The following MARCHF10 variants were observed in gnomAD, a reference collection of about 807,000 sequenced individuals.
MARCHF10 encodes membrane associated ring-CH-type finger 10, also known as probable E3 ubiquitin-protein ligase MARCHF10.
A neutral mutation model predicts 76.2 loss-of-function variants in MARCHF10; 64 were observed. That is an observed-to-expected ratio of 0.84 (90% CI 0.69 to 1.03). The LOEUF (loss-of-function observed/expected upper bound fraction) is 1.03. Among genes scored for constraint, MARCHF10 ranks in the 50% least tolerant of loss-of-function variants. MARCHF10 has a pLI of 0.00. For synonymous variants in MARCHF10, 340 were observed against 357.5 expected, an observed-to-expected ratio of 0.95 and a Z score of 0.55; for missense variants, 875 against 958.0, an observed-to-expected ratio of 0.91 and a Z score of 1.14.
In MARCHF10 at chr17:62,737,216, C is replaced by G. The variant is rs1255434701; in HGVS notation, c.652G>C (p.Ala218Pro). 1 of 1,613,976 alleles carries G rather than the reference C, an allele frequency of 6.2e-7. No individual in the cohort carries two copies. The highest frequency in any genetic ancestry group is 8.5e-7 in the Non-Finnish European group (1 of 1,179,988). The part of the protein sequence containing the change: ...QPMTENAPDR[A>P]KKGDPSAPSQ... ...GGAGCACTCGGGTCTCCTTTTTTGG[C>G]TCTATCAGGGGCGTTCTCAGTCATT... Residue 218 changes from alanine (A) to proline (P), a missense_variant, in exon 6 of 11, where the codon GCC (alanine) becomes CCC (proline). By Grantham distance (27) the Ala-to-Pro change is conservative. Coordinates refer to ENST00000311269, the MANE Select transcript of MARCHF10 (RefSeq NM_152598.4).
intron 3 of MARCHF10, among the ~76,000 whole-genome samples, chr17:62,784,386 A>C (rs904935784): frequency 2.0e-5 from 3 of 152,182 alleles, no homozygotes; most frequent in Non-Finnish European, 2.9e-5. Flanking sequence ...AAATAATAAG[A>C]GCTATTTATG....
At chr17:62,801,574 G>T in intron 2 of MARCHF10, 72 bp downstream of exon 2, 1 of 1,279,194 alleles carries the variant, frequency 7.8e-7, no homozygotes, top group Non-Finnish European at 1.1e-6. Flanking sequence ...ATCATACGTT[G>T]ATGCTGTATT....
chr17:62,774,034 C>A (rs768169929), intron 3 of MARCHF10, among the ~76,000 whole-genome samples: 2 of 152,108 alleles, frequency 1.3e-5, no homozygotes, highest in East Asian at 1.9e-4. Context: ...AGGGAGGACA[C>A]GTCAGTGTGG....
intron 2 of MARCHF10, among the ~76,000 whole-genome samples, chr17:62,793,155 C>CATCA (rs572225519): frequency 6.1e-4 from 89 of 145,620 alleles, no homozygotes; most frequent in African/African-American, 2.1e-3. Flanking sequence ...TCACCACCAC[C>CATCA]ATCACCACCA....
chr17:62,793,306 TCAC>T (rs1242528443), intron 2 of MARCHF10, among the ~76,000 whole-genome samples: 3 of 68,312 alleles, frequency 4.4e-5, no homozygotes, highest in African/African-American at 5.9e-5. Context: ...ACCACCTCCA[TCAC>T]CACCACCACC....
intron 1 of MARCHF10, among the ~76,000 whole-genome samples, chr17:62,803,496 G>A (rs1328571268): frequency 6.6e-6 from 1 of 151,998 alleles, no homozygotes; most frequent in Non-Finnish European, 1.5e-5. Flanking sequence ...AGGACAGTGG[G>A]GAGGGAGAGG....
At chr17:62,728,038 CA>C (rs1327053472) in intron 6 of MARCHF10, among the ~76,000 whole-genome samples, 1 of 152,154 alleles carries the variant, frequency 6.6e-6, no homozygotes, top group Non-Finnish European at 1.5e-5. Context: ...CCATAAAGGT[CA>C]AAGTTTTTTG....
intron 7 of MARCHF10, among the ~76,000 whole-genome samples, chr17:62,724,045 T>G (rs2090628678): frequency 6.6e-6 from 1 of 152,048 alleles, no homozygotes; most frequent in African/African-American, 2.4e-5. Flanking sequence ...GCAGCCTGGA[T>G]AGTGACGGCT....
At chr17:62,718,191 A>G (rs1275358114) in intron 8 of MARCHF10, among the ~76,000 whole-genome samples, 1 of 152,204 alleles carries the variant, frequency 6.6e-6, no homozygotes, top group Admixed American at 6.5e-5. Context: ...AGATAAGAGA[A>G]CTGAGGTGCA....
chr17:62,764,677 T>C (rs952273233), intron 3 of MARCHF10, among the ~76,000 whole-genome samples: 1 of 152,168 alleles, frequency 6.6e-6, no homozygotes, highest in African/African-American at 2.4e-5. Context: ...CCTTAGGGAA[T>C]TGAGGGCAGC....
intron 3 of MARCHF10, among the ~76,000 whole-genome samples, chr17:62,780,005 G>A (rs2092627164): frequency 1.3e-5 from 2 of 152,166 alleles, no homozygotes. Flanking sequence ...GCTGAGGCAG[G>A]AGAATTGCTT....
intron 6 of MARCHF10, among the ~76,000 whole-genome samples, chr17:62,730,723 G>C (rs2147768739): frequency 6.6e-6 from 1 of 152,158 alleles, no homozygotes; most frequent in Non-Finnish European, 1.5e-5. Context: ...GTGAAACCCT[G>C]TCTCTACTAA....
At chr17:62,744,116 A>G (rs867697298) in intron 5 of MARCHF10, among the ~76,000 whole-genome samples, 1 of 151,596 alleles carries the variant, frequency 6.6e-6, no homozygotes, top group South Asian at 2.1e-4. Flanking sequence ...AACCAGTTAC[A>G]CTCATGGAGT....
At chr17:62,750,966 T>C (rs1483248993) in intron 4 of MARCHF10, among the ~76,000 whole-genome samples, 3 of 152,142 alleles carry the variant, frequency 2.0e-5, no homozygotes, top group Non-Finnish European at 2.9e-5. Context: ...GCTAGCAGGC[T>C]GTAGTCATGC....
Position 62,701,666 on chromosome 17 carries a change from G to A in MARCHF10, c.*37C>T, listed in dbSNP as rs1170294158. 2 of 1,613,748 alleles carry A rather than the reference G, an allele frequency of 1.2e-6. No individual in the cohort carries two copies. The highest frequency in any genetic ancestry group is 2.2e-5 in the East Asian group (1 of 44,884). Reference sequence around the variant, plus strand: ...GGGACGTAGAAAGAAGGGCTGGCGGGAGAGGTCTCCGCCGAGCTCCACAGT... The same window carrying A: ...GGGACGTAGAAAGAAGGGCTGGCGGAAGAGGTCTCCGCCGAGCTCCACAGT... On this transcript the variant is annotated 3_prime_UTR_variant, in exon 11 of 11. Coordinates refer to ENST00000311269, the MANE Select transcript of MARCHF10 (RefSeq NM_152598.4).
intron 2 of MARCHF10, among the ~76,000 whole-genome samples, chr17:62,790,999 C>A (rs759043805): frequency 2.0e-5 from 3 of 152,164 alleles, no homozygotes; most frequent in Non-Finnish European, 4.4e-5. Flanking sequence ...ATCTTCTTTT[C>A]AAAAACTATG....
intron 3 of MARCHF10, among the ~76,000 whole-genome samples, chr17:62,767,947 A>G (rs1427778030): frequency 6.6e-6 from 1 of 152,146 alleles, no homozygotes; most frequent in East Asian, 1.9e-4. Context: ...GAGCAGAAGC[A>G]ATGTGTGCAG....
At chr17:62,741,719 CAG>C (rs2091511046) in intron 5 of MARCHF10, among the ~76,000 whole-genome samples, 1 of 151,992 alleles carries the variant, frequency 6.6e-6, no homozygotes, top group Non-Finnish European at 1.5e-5. Flanking sequence ...TTTTGTGAGA[CAG>C]AGTCTCACTC....
At chr17:62,753,704 C>T (rs969464743) in intron 4 of MARCHF10, among the ~76,000 whole-genome samples, 3 of 152,200 alleles carry the variant, frequency 2.0e-5, no homozygotes, top group African/African-American at 7.2e-5. Context: ...TGGTTAAACC[C>T]CTGTCCTTCA....
Sources: gnomAD v4.1 joint callset for allele counts (sites outside exome capture counted in the v4.1 genomes callset) on GRCh38, gnomAD v4.1.1 for gene constraint, MANE v1.5 for transcripts, NCBI Gene and HGNC (gene_info 2026-07-23, HGNC 2026-07-21) for gene names.